Variants in P2RX6 observed in about 807,000 individuals in gnomAD.
P2RX6 encodes the protein purinergic receptor P2X 6, also known as P2X purinoceptor 6.
In P2RX6, 62 loss-of-function variants were observed where a neutral mutation model predicts 54.2. The observed-to-expected ratio is 1.14, with a 90% CI of 0.93 to 1.41. P2RX6 has a LOEUF of 1.41. Among genes scored for constraint, P2RX6 ranks in the 40% most tolerant of loss-of-function variants. The pLI is 0.00. For synonymous variants in P2RX6, 211 were observed against 231.9 expected (o/e 0.91, Z 0.82); for missense variants, 541 against 566.3 (o/e 0.96, Z 0.45).
At chr22:21,021,565 C>A (rs1927411567) in intron 3 of P2RX6, among the ~76,000 whole-genome samples, 1 of 152,170 alleles carries the variant, frequency 6.6e-6, no homozygotes, top group Non-Finnish European at 1.5e-5. Context: ...CCCTGTCTTT[C>A]AGAAAGTCCC....
chr22:21,018,071 C>T lies in P2RX6; in HGVS notation c.387+11C>T, dbSNP rs756067802. On this transcript the variant is annotated intron_variant, in intron 3 of 11. Coordinates refer to ENST00000413302, the MANE Select transcript of P2RX6 (RefSeq NM_005446.5). The stretch of plus-strand genomic sequence containing the variant: ...GGCAGATGCCCAGAGGTGAGTTTAC[C>T]CAGGATCCTCCCAGCGGGTCCCTTG... The T allele has an allele frequency of 1.9e-6, 3 of 1,594,200 alleles. No individual in the cohort carries two copies. Among genetic ancestry groups the T allele is most frequent in the Admixed American group, 1.7e-5 (1 of 59,624 alleles).
intron 2 of P2RX6, among the ~76,000 whole-genome samples, chr22:21,017,732 A>T (rs1926642820): frequency 6.6e-6 from 1 of 152,110 alleles, no homozygotes; most frequent in Non-Finnish European, 1.5e-5. Flanking sequence ...ACACATACAC[A>T]TGCACACACA....
Position 21,026,876 on chromosome 22 carries a change from A to G in P2RX6, c.*259A>G. 1.6e-6 allele frequency: 1 copy of G among 626,982 alleles called. No homozygotes were observed. Among genetic ancestry groups the G allele is most frequent in the Non-Finnish European group, 2.6e-6 (1 of 380,472 alleles). 38.8% of individuals were successfully genotyped at this position (626,982 alleles called of 1,614,324 possible). A position where few individuals can be genotyped will look rare whatever the true frequency, so the allele number is the denominator to read the frequency against. ...CAGGCACCTGTATTGCAGGGCTCCGACTGCATGTGGCAGGGGCTCCTGCTG... is the reference window on the plus strand; with the variant it reads ...CAGGCACCTGTATTGCAGGGCTCCGGCTGCATGTGGCAGGGGCTCCTGCTG... On this transcript the variant is annotated 3_prime_UTR_variant, in exon 12 of 12. Transcript: ENST00000413302. The surrounding 1 kb of genome is among the most constrained non-coding windows in gnomAD (Gnocchi z 4.0).
chr22:21,018,070 C>A lies in P2RX6; in HGVS notation c.387+10C>A, dbSNP rs369515016. On this transcript the variant is annotated intron_variant, in intron 3 of 11. Transcript: ENST00000413302. ...GGGCAGATGCCCAGAGGTGAGTTTA[C>A]CCAGGATCCTCCCAGCGGGTCCCTT... is the stretch of plus-strand genomic sequence containing the variant. 1.9e-6 allele frequency: 3 copies of A among 1,597,866 alleles called. No homozygotes were observed. In the South Asian group the frequency reaches 3.3e-5, roughly 18 times the overall value.
rs901745501 is a variant in P2RX6 at position 21,026,153 on chromosome 22, C to T, written c.1050+77C>T. 4 of 1,528,876 alleles carry T rather than the reference C, an allele frequency of 2.6e-6. No individual in the cohort carries two copies. Among genetic ancestry groups the T allele is most frequent in the East Asian group, 4.7e-5 (2 of 42,410 alleles). 94.7% of individuals were successfully genotyped at this position (1,528,876 alleles called of 1,614,324 possible). On this transcript the variant is annotated intron_variant, in intron 10 of 11. Transcript: ENST00000413302. This position sits in a 1 kb window ranked among gnomAD's most constrained non-coding sequence, Gnocchi z 4.0. ...AGGGTGTGTCCAATGCATGCTGGAG[C>T]CTCCGGTGCCTGCACATTGAGTCTC... is the stretch of plus-strand genomic sequence containing the variant.
intron 2 of P2RX6, 38 bp from the exon 3 acceptor site, chr22:21,017,951 C>T (rs747348820): frequency 7.2e-6 from 10 of 1,397,638 alleles, no homozygotes; most frequent in Admixed American, 1.7e-5. Context: ...CCAGTCAACA[C>T]GAGCCCAGCC....
chr22:21,012,597 C>A, upstream of P2RX6: 1 of 608,788 alleles, frequency 1.6e-6, no homozygotes, highest in South Asian at 1.6e-5. Context: ...GCCCACTGTC[C>A]CAAAAGTTCA....
chr22:21,020,962 C>T (rs1373041376), intron 3 of P2RX6, among the ~76,000 whole-genome samples: 2 of 151,898 alleles, frequency 1.3e-5, no homozygotes, highest in Admixed American at 1.3e-4. Context: ...ACAGAGGGGG[C>T]TTGGTGGGTA....
At position 21,022,470 on chromosome 22, in the gene P2RX6, C is replaced by A. The variant is rs370847960; in HGVS notation, c.388-206C>A. Among the ~76,000 whole-genome samples the A allele has an allele frequency of 1.0e-3, 159 of 152,318 alleles. 1 individual carries two copies. The highest frequency in any genetic ancestry group is 3.7e-3 in the African/African-American group (155 of 41,580). On this transcript the variant is annotated intron_variant, in intron 3 of 11. Transcript: ENST00000413302. Reference sequence around the variant, plus strand: ...TCTGGCCAGGGCATTGCTCCGCTCCCTCCTCTGACCACCTCCTTTTATTTG... The same window carrying A: ...TCTGGCCAGGGCATTGCTCCGCTCCATCCTCTGACCACCTCCTTTTATTTG...
intron 1 of P2RX6, 39 bp from the exon 2 acceptor site, chr22:21,015,903 G>A (rs576489444): frequency 3.9e-6 from 6 of 1,544,950 alleles, no homozygotes; most frequent in Admixed American, 3.9e-5. Flanking sequence ...GTCACTACAC[G>A]CTGGGGACAC....
At position 21,023,423 on chromosome 22, in the gene P2RX6, C is replaced by T. The variant is rs188072006; in HGVS notation, c.780+7C>T. ...CGAGGACCTGGCGTTGCTGGTGGGT[C>T]CCAAGTTGGGGGCAGGGTTCCTAGA... is the stretch of plus-strand genomic sequence containing the variant. On this transcript the variant is annotated splice_region_variant and intron_variant, in intron 7 of 11. Coordinates refer to ENST00000413302, the MANE Select transcript of P2RX6 (RefSeq NM_005446.5). 51 of 1,613,966 alleles carry T rather than the reference C, an allele frequency of 3.2e-5. No homozygotes were observed. The African/African-American group carries it at 6.5e-4, about 21-fold the overall frequency.
At chr22:21,020,112 A>G (rs1003411888) in intron 3 of P2RX6, among the ~76,000 whole-genome samples, 4 of 152,200 alleles carry the variant, frequency 2.6e-5, no homozygotes, top group Non-Finnish European at 5.9e-5. Flanking sequence ...TGGTGAACCC[A>G]CACAATGTCC....
intron 2 of P2RX6, among the ~76,000 whole-genome samples, chr22:21,016,839 C>T (rs1321950012): frequency 6.6e-6 from 1 of 152,138 alleles, no homozygotes; most frequent in Non-Finnish European, 1.5e-5. Context: ...CACTTCTGCT[C>T]CTCTGATGCC....
At position 21,023,166 on chromosome 22, in the gene P2RX6, C is replaced by T. The variant is rs1359205865; in HGVS notation, c.606C>T (p.Asn202=). The change falls in exon 6 of 12, where the codon AAC becomes AAT. Residue 202 remains asparagine (N), a synonymous_variant. Transcript: ENST00000413302. The stretch of plus-strand genomic sequence containing the variant: ...AGAACTTCACACTGTTCATCAAAAA[C>T]ACAGTCACCTTCAGCAAGTTCAACT... ...QAQNFTLFIK[N]TVTFSKFNFS... 6.2e-7 allele frequency: 1 copy of T among 1,613,940 alleles called. No individual in the cohort carries two copies. Among genetic ancestry groups the T allele is most frequent in the Admixed American group, 1.7e-5 (1 of 60,024 alleles).
Position 21,027,242 on chromosome 22 carries a change from G to A in P2RX6, c.*625G>A, listed in dbSNP as rs1226394779. 6.5e-6 allele frequency: 1 copy of A among 153,352 alleles called. No individual in the cohort carries two copies. Among genetic ancestry groups the A allele is most frequent in the Non-Finnish European group, 1.5e-5 (1 of 68,918 alleles). The allele number at this position is 153,352 out of a possible 1,614,324, so 9.5% of individuals were successfully genotyped here. ...TCCCCCAGGCAAGGGCGGAGCATGTGTCTTGGGCCCACACCTGCTTAGTTT... is the reference window on the plus strand; with the variant it reads ...TCCCCCAGGCAAGGGCGGAGCATGTATCTTGGGCCCACACCTGCTTAGTTT... On this transcript the variant is annotated 3_prime_UTR_variant, in exon 12 of 12. Transcript: ENST00000413302.
chr22:21,023,673 T>G, intron 8 of P2RX6, 55 bp downstream of exon 8: 1 of 1,314,876 alleles, frequency 7.6e-7, no homozygotes, highest in Non-Finnish European at 1.1e-6. Flanking sequence ...CCTCTCACTG[T>G]GGCGGCCAGG....
In P2RX6 at chr22:21,027,467, G is replaced by C. The variant is rs1928652501; in HGVS notation, c.*850G>C. 6.6e-6 allele frequency: 1 copy of C among 151,406 alleles called. No individual in the cohort carries two copies. The highest frequency in any genetic ancestry group is 6.6e-5 in the Admixed American group (1 of 15,226). The allele number at this position is 151,406 out of a possible 1,614,324, so 9.4% of individuals were successfully genotyped here. ...CCCTGGGGGTGGGAGGCTGTGGGAG[G>C]CTGTACATCTGAAATTCACTTCAGT... On this transcript the variant is annotated 3_prime_UTR_variant, in exon 12 of 12. Transcript: ENST00000413302.
rs374125004 is a variant in P2RX6, at chr22:21,026,639, T to C, written c.*22T>C. The C allele has an allele frequency of 1.1e-5, 17 of 1,561,442 alleles. No individual in the cohort carries two copies. In the East Asian group the frequency reaches 1.2e-4, roughly 11 times the overall value. On this transcript the variant is annotated 3_prime_UTR_variant, in exon 12 of 12. Transcript: ENST00000413302. This position sits in a 1 kb window ranked among gnomAD's most constrained non-coding sequence, Gnocchi z 4.0. ...GTAGCCGTTCCCTGCTGGTTGAGAG[T>C]TGGGGGCTGGGAAGGGCGGGGCCCT...
chr22:21,015,335 T>G lies in P2RX6; in HGVS notation c.161T>G (p.Val54Gly). 1.9e-6 allele frequency: 3 copies of G among 1,555,398 alleles called. No homozygotes were observed. Among genetic ancestry groups the G allele is most frequent in the Non-Finnish European group, 2.6e-6 (3 of 1,159,076 alleles). The change falls in exon 1 of 12, where the codon GTA becomes GGA. Residue 54 changes from valine (V) to glycine (G), a missense_variant. Coordinates refer to ENST00000413302, the MANE Select transcript of P2RX6 (RefSeq NM_005446.5). The stretch of plus-strand genomic sequence containing the variant: ...CAGTTTGGGATCGTGGTCTATGTGG[T>G]AGGGTAAGAGAGAAGAGCTTTTGGC... ...LLQFGIVVYV[V>G]GWALLAKKGY...
Sources: allele counts gnomAD v4.1 joint callset (sites outside exome capture counted in the v4.1 genomes callset), GRCh38; gene constraint gnomAD v4.1.1; non-coding constraint Gnocchi (gnomAD v3.1); transcripts MANE v1.5; gene names NCBI Gene and HGNC (gene_info 2026-07-23, HGNC 2026-07-21).